DPH6: variants seen among roughly 807,000 people sequenced by gnomAD.
DPH6 encodes diphthamine biosynthesis 6.
A neutral mutation model predicts 38.2 loss-of-function variants in DPH6; 33 were observed. The ratio of observed to expected loss-of-function variants is 0.86; its 90% confidence interval spans 0.65 to 1.15. The LOEUF (loss-of-function observed/expected upper bound fraction) is 1.15, where lower values mean the gene tolerates loss of function less well. DPH6 is among the 50% of genes most tolerant of loss of function. DPH6 has a pLI of 0.00. For synonymous variants in DPH6, 108 were observed against 103.0 expected (o/e 1.05, Z -0.30); for missense variants, 325 against 320.0 (o/e 1.02, Z -0.12).
At chr15:35,259,421 T>C (rs2051730798) in intron 3 of DPH6, among the ~76,000 whole-genome samples, 1 of 152,204 alleles carries the variant, frequency 6.6e-6, no homozygotes, top group Non-Finnish European at 1.5e-5. Context: ...AACCTAATCA[T>C]ATAAAAAAGT....
At chr15:35,198,803 TTACTA>T in the DPH6 span, among the ~76,000 whole-genome samples, 1 of 152,226 alleles carries the variant, frequency 6.6e-6, no homozygotes, top group African/African-American at 2.4e-5. Flanking sequence ...AGGTAGCGTC[TTACTA>T]TAAGTACAGC....
At chr15:35,469,590 G>C (rs1323767261) in intron 3 of DPH6, among the ~76,000 whole-genome samples, 1 of 152,090 alleles carries the variant, frequency 6.6e-6, no homozygotes, top group African/African-American at 2.4e-5. Flanking sequence ...TGTTTGGCTT[G>C]GTCACTTGAT....
the DPH6 span, among the ~76,000 whole-genome samples, chr15:35,164,836 T>C: frequency 6.6e-6 from 1 of 151,892 alleles, no homozygotes; most frequent in Non-Finnish European, 1.5e-5. Context: ...GCTGTCACTT[T>C]TGGAAAATTA....
chr15:35,395,156 C>A (rs1480381997), intron 6 of DPH6, among the ~76,000 whole-genome samples: 1 of 152,146 alleles, frequency 6.6e-6, no homozygotes, highest in East Asian at 1.9e-4. Context: ...GATTAATCTT[C>A]AATTTTTTCT....
At chr15:35,341,526 T>G (rs2052421456) in intron 3 of DPH6, among the ~76,000 whole-genome samples, 1 of 152,166 alleles carries the variant, frequency 6.6e-6, no homozygotes, top group African/African-American at 2.4e-5. Context: ...ATCTTTGAGG[T>G]TGCTGATGTT....
At chr15:35,389,577 T>A (rs561484695) in intron 6 of DPH6, among the ~76,000 whole-genome samples, 1 of 152,244 alleles carries the variant, frequency 6.6e-6, no homozygotes, top group Non-Finnish European at 1.5e-5. Context: ...GTTGAATTGA[T>A]CTGTTTACCA....
Position 35,546,161 on chromosome 15 carries a change from C to A in DPH6, c.-20G>T. 7.3e-7 allele frequency: 1 copy of A among 1,361,696 alleles called. No individual in the cohort carries two copies. Among genetic ancestry groups the A allele is most frequent in the Non-Finnish European group, 9.6e-7 (1 of 1,044,444 alleles). The allele number at this position is 1,361,696 out of a possible 1,614,324, so 84.4% of individuals were successfully genotyped here. On this transcript the variant is annotated 5_prime_UTR_variant, in exon 1 of 9. Transcript: ENST00000256538. ...CCTCATGCTGGGCGCAGTGCGCGTG[C>A]GTGCGGCGAGCGCGGGCGGGAGCCA...
chr15:35,227,174 C>CTTTTTT lies in DPH6; in HGVS notation n.201-6598_201-6593dup, dbSNP rs71415001. On this transcript the variant is annotated intron_variant and non_coding_transcript_variant, in intron 3 of 3. Transcript: ENST00000560386. Reference sequence around the variant, plus strand: ...TCTGCAATATCAGTTATAACATCTTCTTTTTTTTTTTTTTTTTTTTTTTTT... The same window carrying CTTTTTT: ...TCTGCAATATCAGTTATAACATCTTCTTTTTTTTTTTTTTTTTTTTTTTTTTTTTTT... Among the ~76,000 whole-genome samples the CTTTTTT allele has an allele frequency of 5.7e-4, 44 of 77,084 alleles. 4 individuals carry two copies. Among genetic ancestry groups the CTTTTTT allele is most frequent in the East Asian group, 1.5e-3 (3 of 1,936 alleles). The allele number at this position is 77,084 out of a possible 152,430, so 50.6% of individuals were successfully genotyped here. A position where few individuals can be genotyped will look rare whatever the true frequency, so the allele number is the denominator to read the frequency against.
At chr15:35,499,228 A>C (rs986049805) in intron 3 of DPH6, among the ~76,000 whole-genome samples, 2 of 152,176 alleles carry the variant, frequency 1.3e-5, no homozygotes, top group Non-Finnish European at 2.9e-5. Flanking sequence ...TGCTCTTGAC[A>C]AAGTTTCACT....
chr15:35,462,947 G>A (rs1299656478), intron 3 of DPH6, among the ~76,000 whole-genome samples: 2 of 152,002 alleles, frequency 1.3e-5, no homozygotes. Flanking sequence ...TTACCATTTG[G>A]TAATATACAT....
intron 5 of DPH6, among the ~76,000 whole-genome samples, chr15:35,425,367 A>G (rs1473025104): frequency 6.6e-6 from 1 of 151,650 alleles, no homozygotes; most frequent in Non-Finnish European, 1.5e-5. Flanking sequence ...ACATATTATC[A>G]TGAAAGCTAT....
At chr15:35,469,144 C>A (rs544964085) in intron 3 of DPH6, among the ~76,000 whole-genome samples, 1 of 152,230 alleles carries the variant, frequency 6.6e-6, no homozygotes, top group South Asian at 2.1e-4. Flanking sequence ...GCATTATGTA[C>A]CACACTTTGT....
intron 3 of DPH6, chr15:35,298,245 A>C (rs1012688051): frequency 1.3e-5 from 7 of 528,636 alleles, no homozygotes; most frequent in Non-Finnish European, 2.6e-5. Flanking sequence ...TAGTTCTTAA[A>C]ATCAAACTTG....
intron 3 of DPH6, among the ~76,000 whole-genome samples, chr15:35,503,902 C>T (rs193023019): frequency 6.6e-6 from 1 of 152,042 alleles, no homozygotes; most frequent in Non-Finnish European, 1.5e-5. Context: ...TGCCAGAAAG[C>T]AAGTTATTTT....
At chr15:35,283,138 TTCTTCC>T (rs914507288) in intron 3 of DPH6, among the ~76,000 whole-genome samples, 2 of 151,088 alleles carry the variant, frequency 1.3e-5, no homozygotes, top group South Asian at 2.1e-4. Flanking sequence ...TCTTCTCTTC[TTCTTCC>T]TCTTCCTCTT....
chr15:35,359,142 T>C (rs1328844894), intron 3 of DPH6, among the ~76,000 whole-genome samples: 1 of 151,974 alleles, frequency 6.6e-6, no homozygotes, highest in Non-Finnish European at 1.5e-5. Context: ...TGCTGAGTCA[T>C]GCAGGTTGTC....
At chr15:35,485,970 T>C (rs1566927669) in intron 3 of DPH6, among the ~76,000 whole-genome samples, 1 of 152,206 alleles carries the variant, frequency 6.6e-6, no homozygotes, top group Non-Finnish European at 1.5e-5. Flanking sequence ...ATTAGTCCAT[T>C]TTCACACTGC....
Position 35,371,588 on chromosome 15 carries a change from T to C in DPH6, c.*562A>G, listed in dbSNP as rs2052713740. The C allele has an allele frequency of 1.0e-6, 1 of 982,190 alleles. No individual in the cohort carries two copies. The highest frequency in any genetic ancestry group is 1.8e-5 in the African/African-American group (1 of 57,110). The allele number at this position is 982,190 out of a possible 1,614,324, so 60.8% of individuals were successfully genotyped here. A position where few individuals can be genotyped will look rare whatever the true frequency, so the allele number is the denominator to read the frequency against. On this transcript the variant is annotated 3_prime_UTR_variant, in exon 9 of 9. Transcript: ENST00000256538. Reference sequence around the variant, plus strand: ...ATAGTTAATACTGAAAAACAGCATTTTAAAAATCAGTTATAAAATAACTTG... The same window carrying C: ...ATAGTTAATACTGAAAAACAGCATTCTAAAAATCAGTTATAAAATAACTTG...
At chr15:35,227,951 G>A (rs540208583) in intron 3 of DPH6, among the ~76,000 whole-genome samples, 1 of 151,860 alleles carries the variant, frequency 6.6e-6, no homozygotes, top group South Asian at 2.1e-4. Context: ...TCTCATTATT[G>A]ACTTCTAGTT....
Sources: allele counts gnomAD v4.1 joint callset (sites outside exome capture counted in the v4.1 genomes callset), GRCh38; gene constraint gnomAD v4.1.1; transcripts MANE v1.5; gene names NCBI Gene and HGNC (gene_info 2026-07-23, HGNC 2026-07-21).